The following FGF13 variants were observed in gnomAD, a reference collection of about 807,000 sequenced individuals.
FGF13 encodes fibroblast growth factor 13.
Under a neutral mutation model 19.5 loss-of-function variants are expected in FGF13, and 2 were observed. The ratio of observed to expected loss-of-function variants is 0.10; its 90% CI spans 0.04 to 0.32. The LOEUF (loss-of-function observed/expected upper bound fraction) is 0.32, where lower values mean the gene tolerates loss of function less well. Ranked by LOEUF, FGF13 falls within the 10% of genes least tolerant of loss-of-function variation. FGF13 has a pLI of 1.00. For synonymous variants in FGF13, 72 were observed against 76.9 expected, an observed-to-expected ratio of 0.94 and a Z score of 0.33; for missense variants, 113 against 192.7, an observed-to-expected ratio of 0.59 and a Z score of 2.45.
intron 3 of FGF13, among the ~76,000 whole-genome samples, chrX:138,679,027 C>G (rs1350349643): frequency 8.9e-6 from 1 of 111,821 alleles, no homozygotes; most frequent in African/African-American, 3.2e-5. Flanking sequence ...ATATATATGA[C>G]TAACAATTCA....
intron 1 of FGF13, among the ~76,000 whole-genome samples, chrX:139,196,985 G>C (rs2084377153): frequency 8.9e-6 from 1 of 112,215 alleles, no homozygotes; most frequent in Admixed American, 9.4e-5. Context: ...TTGAGTGAAA[G>C]CTCTACCCCA....
At chrX:139,102,435 G>C (rs997649297) in intron 1 of FGF13, among the ~76,000 whole-genome samples, 4 of 111,572 alleles carry the variant, frequency 3.6e-5, no homozygotes, top group Non-Finnish European at 7.5e-5. Context: ...GCATCAGATA[G>C]ACCTAAGCTC....
chrX:138,845,010 A>G (rs12838463), intron 3 of FGF13, among the ~76,000 whole-genome samples: 43,994 of 110,488 alleles, frequency 0.4, 7,289 homozygotes, highest in African/African-American at 0.63. Flanking sequence ...CAAACTCATC[A>G]TAGAACAGTC....
intron 1 of FGF13, among the ~76,000 whole-genome samples, chrX:138,983,370 CCCCATTGTGTATTCTTG>C: frequency 1.0e-4 from 1 of 9,576 alleles, no homozygotes; most frequent in African/African-American, 2.2e-4. Flanking sequence ...GCTATTCTTT[CCCCATTGTGTATTCTTG>C]GCACCCTTAT....
rs139084376 is a variant in FGF13, at chrX:139,064,281, C to CTTTTTTTTTT, written c.-113+139125_-113+139134dup. 1.7e-3 allele frequency among the ~76,000 whole-genome samples: 39 copies of CTTTTTTTTTT among 23,162 alleles called. 3 individuals are homozygous for CTTTTTTTTTT. Among genetic ancestry groups the CTTTTTTTTTT allele is most frequent in the African/African-American group, 2.0e-3 (9 of 4,523 alleles). 20.1% of individuals were successfully genotyped at this position (23,162 alleles called of 115,157 possible). A position where few individuals can be genotyped will look rare whatever the true frequency, so the allele number is the denominator to read the frequency against. ...GCATAGAGCAGAGTTCTTTTTTTTT[C>CTTTTTTTTTT]TTTTTTTTTTTTTTTTTTTTTTTTT... On this transcript the variant is annotated intron_variant, in intron 1 of 2. Coordinates refer to the FGF13 transcript ENST00000421460.
At chrX:138,957,100 G>A (rs1300203948) in intron 1 of FGF13, among the ~76,000 whole-genome samples, 11 of 111,499 alleles carry the variant, frequency 9.9e-5, no homozygotes, top group South Asian at 3.8e-4. Flanking sequence ...AAAAAAGAGC[G>A]AGAGAAAGAT....
At chrX:138,670,271 G>A (rs1270573903) in intron 3 of FGF13, among the ~76,000 whole-genome samples, 1 of 111,691 alleles carries the variant, frequency 9.0e-6, no homozygotes, top group East Asian at 2.8e-4. Flanking sequence ...ACAGAATAGG[G>A]AAGAAACTTG....
chrX:139,057,194 G>T (rs1324579975), intron 1 of FGF13, among the ~76,000 whole-genome samples: 1 of 111,344 alleles, frequency 9.0e-6, no homozygotes, highest in Non-Finnish European at 1.9e-5. Context: ...AGAAATGACA[G>T]GAAAATACTT....
upstream of FGF13, chrX:138,712,202 GT>G (rs1048392769): frequency 1.8e-5 from 2 of 111,741 alleles, no homozygotes; most frequent in Non-Finnish European, 3.8e-5. Flanking sequence ...CCCCAGACGG[GT>G]TCAGCCCCAG....
chrX:139,188,641 T>C (rs1237105875), intron 1 of FGF13, among the ~76,000 whole-genome samples: 1 of 112,106 alleles, frequency 8.9e-6, no homozygotes, highest in African/African-American at 3.2e-5. Flanking sequence ...GGATATTTCC[T>C]CTATTTGATG....
chrX:139,139,674 A>G (rs2083827441), intron 1 of FGF13, among the ~76,000 whole-genome samples: 1 of 112,229 alleles, frequency 8.9e-6, no homozygotes, highest in African/African-American at 3.2e-5. Context: ...TTATGGGTCC[A>G]TTATAGATTC....
At chrX:139,202,835 C>T (rs773711468) in intron 1 of FGF13, among the ~76,000 whole-genome samples, 74 of 111,251 alleles carry the variant, frequency 6.7e-4, no homozygotes, top group Non-Finnish European at 1.3e-3. Context: ...AGCTGGGACT[C>T]CCTGCGCTGC....
chrX:138,737,096 C>T (rs2090282318), intron 1 of FGF13, among the ~76,000 whole-genome samples: 1 of 111,642 alleles, frequency 9.0e-6, no homozygotes, highest in African/African-American at 3.3e-5. Context: ...AGCACAGCTG[C>T]TGTCTATTCT....
intron 2 of FGF13, among the ~76,000 whole-genome samples, chrX:138,704,247 C>T (rs954951016): frequency 9.0e-6 from 1 of 111,663 alleles, no homozygotes; most frequent in Admixed American, 9.5e-5. Context: ...GAAACTTACA[C>T]CCAGGCTTTC....
intron 1 of FGF13, among the ~76,000 whole-genome samples, chrX:139,172,881 T>A (rs745934382): frequency 1.8e-5 from 2 of 111,603 alleles, no homozygotes; most frequent in African/African-American, 6.5e-5. Context: ...CAGATTTATA[T>A]TAGACATACA....
chrX:138,742,653 C>T (rs1430396072), upstream of FGF13, among the ~76,000 whole-genome samples: 3 of 111,963 alleles, frequency 2.7e-5, no homozygotes, highest in Non-Finnish European at 5.6e-5. Flanking sequence ...AGTTACAGAT[C>T]TCCAAGCTTT....
intron 1 of FGF13, among the ~76,000 whole-genome samples, chrX:139,138,901 A>G (rs1368044048): frequency 1.9e-5 from 2 of 107,035 alleles, no homozygotes; most frequent in Non-Finnish European, 3.9e-5. Flanking sequence ...CAGTTTGTCT[A>G]TACCAGCTCA....
rs10622697 is a variant in FGF13, at chrX:138,929,235, CTGTG to C, written c.-112-64589_-112-64586del. On this transcript the variant is annotated intron_variant, in intron 1 of 2. Coordinates refer to the FGF13 transcript ENST00000421460. ...TGTGTGAAAGCAGAAGAGGAAAACT[CTGTG>C]TGTGTGTGTGTGTGTGTGTGTGTGT... 3.9e-3 allele frequency among the ~76,000 whole-genome samples: 385 copies of C among 97,772 alleles called. 1 individual carries two copies. Among genetic ancestry groups the C allele is most frequent in the African/African-American group, 0.012 (330 of 27,113 alleles). 84.9% of individuals were successfully genotyped at this position (97,772 alleles called of 115,157 possible).
At chrX:138,834,732 C>A (rs2124095952) in intron 3 of FGF13, among the ~76,000 whole-genome samples, 1 of 110,702 alleles carries the variant, frequency 9.0e-6, no homozygotes, top group South Asian at 3.8e-4. Context: ...TTCTCTAGTT[C>A]TTTTAGTTGT....
Sources: allele counts gnomAD v4.1 joint callset (sites outside exome capture counted in the v4.1 genomes callset), GRCh38; gene constraint gnomAD v4.1.1; transcripts MANE v1.5; gene names NCBI Gene and HGNC (gene_info 2026-07-23, HGNC 2026-07-21).